Variants in SOX6 observed in about 807,000 individuals in gnomAD.
SOX6 encodes the protein transcription factor SOX-6.
Under a neutral mutation model 97.8 loss-of-function variants are expected in SOX6, and 11 were observed. The observed-to-expected ratio is 0.11, with a 90% CI of 0.07 to 0.19. The LOEUF is 0.19. SOX6 is among the 10% of genes least tolerant of loss of function. The pLI is 1.00. For synonymous variants in SOX6, 360 were observed against 371.4 expected, an observed-to-expected ratio of 0.97 and a Z score of 0.35; for missense variants, 810 against 1,039.5, an observed-to-expected ratio of 0.78 and a Z score of 3.04.
At chr11:16,181,919 A>G (rs1851357910) in intron 6 of SOX6, among the ~76,000 whole-genome samples, 1 of 151,852 alleles carries the variant, frequency 6.6e-6, no homozygotes, top group Non-Finnish European at 1.5e-5. Flanking sequence ...AAATTAAACA[A>G]CAAGAAATAT....
intron 7 of SOX6, among the ~76,000 whole-genome samples, chr11:16,099,014 A>G (rs923576019): frequency 6.6e-6 from 1 of 151,808 alleles, no homozygotes; most frequent in African/African-American, 2.4e-5. Context: ...CTTCTAATCT[A>G]CACAGTCTCT....
At chr11:16,271,837 C>T (rs1854270160) in intron 3 of SOX6, among the ~76,000 whole-genome samples, 1 of 151,004 alleles carries the variant, frequency 6.6e-6, no homozygotes, top group South Asian at 2.1e-4. Flanking sequence ...AAAATTATCA[C>T]ATTAATTTCT....
intron 1 of SOX6, among the ~76,000 whole-genome samples, chr11:16,462,389 C>T (rs1278183194): frequency 3.3e-5 from 5 of 152,202 alleles, no homozygotes; most frequent in Non-Finnish European, 7.4e-5. Context: ...TTTAAGTTGT[C>T]AAGATTTAAA....
intron 6 of SOX6, among the ~76,000 whole-genome samples, chr11:16,183,179 A>G (rs1053093481): frequency 6.6e-6 from 1 of 151,924 alleles, no homozygotes; most frequent in East Asian, 1.9e-4. Context: ...TGCCTATCTC[A>G]AATAGCTGTT....
chr11:16,517,632 C>CTA (rs1860993954), intron 4 of SOX6, among the ~76,000 whole-genome samples: 1 of 152,116 alleles, frequency 6.6e-6, no homozygotes, highest in Non-Finnish European at 1.5e-5. Context: ...CATTTAACAT[C>CTA]TATATATATT....
At position 16,300,861 on chromosome 11, in the gene SOX6, C is replaced by G. The variant is rs760493308; in HGVS notation, c.445+17585G>C. 2.0e-5 allele frequency among the ~76,000 whole-genome samples: 3 copies of G among 152,202 alleles called. No individual in the cohort carries two copies. Among genetic ancestry groups the G allele is most frequent in the Non-Finnish European group, 4.4e-5 (3 of 68,032 alleles). ...TGTTTTTCACATTATTTTGGCTCAT[C>G]ATCCAATAATATTTATTAAGCACCA... On this transcript the variant is annotated intron_variant, in intron 3 of 15. Coordinates refer to ENST00000683767, the MANE Select transcript of SOX6 (RefSeq NM_001367873.1). This position sits in a 1 kb window ranked among gnomAD's most constrained non-coding sequence, Gnocchi z 4.1.
intron 4 of SOX6, among the ~76,000 whole-genome samples, chr11:16,596,481 T>G (rs1848214310): frequency 6.6e-6 from 1 of 152,198 alleles, no homozygotes; most frequent in South Asian, 2.1e-4. Flanking sequence ...CTAGTTATAC[T>G]GTCAAATGTT....
chr11:16,286,602 T>C (rs1854750910), intron 3 of SOX6, among the ~76,000 whole-genome samples: 1 of 152,154 alleles, frequency 6.6e-6, no homozygotes, highest in South Asian at 2.1e-4. Context: ...CATGAATTTT[T>C]ATGTGTAGTG....
rs1848415290 is a variant in SOX6, at chr11:16,612,813, C to A, written n.430-553G>T. Among the ~76,000 whole-genome samples, 3 of 152,214 alleles carry A rather than the reference C, an allele frequency of 2.0e-5. No homozygotes were observed. In the South Asian group the frequency reaches 6.2e-4, roughly 32 times the overall value. On this transcript the variant is annotated intron_variant and non_coding_transcript_variant, in intron 3 of 5. Coordinates refer to the SOX6 transcript ENST00000524520. Reference sequence around the variant, plus strand: ...CACTCTCACCGACACTGCAGCTCTGCACAAGGGCAGCTGGAATCTGGGAAC... The same window carrying A: ...CACTCTCACCGACACTGCAGCTCTGAACAAGGGCAGCTGGAATCTGGGAAC...
intron 11 of SOX6, among the ~76,000 whole-genome samples, chr11:16,046,976 T>C (rs1855853420): frequency 6.6e-6 from 1 of 152,078 alleles, no homozygotes; most frequent in African/African-American, 2.4e-5. Flanking sequence ...TAGACTCCAA[T>C]TGTATACATA....
intron 2 of SOX6, among the ~76,000 whole-genome samples, chr11:16,333,721 A>G (rs1384028395): frequency 3.3e-5 from 5 of 152,176 alleles, no homozygotes; most frequent in Non-Finnish European, 7.4e-5. Context: ...ATTATACTAG[A>G]TTTTTTATTA....
chr11:16,086,068 A>C (rs1192520559), intron 9 of SOX6, among the ~76,000 whole-genome samples: 2 of 152,184 alleles, frequency 1.3e-5, no homozygotes, highest in African/African-American at 2.4e-5. Flanking sequence ...TAGATGCTGA[A>C]TCTTCTATGG....
intron 1 of SOX6, among the ~76,000 whole-genome samples, chr11:16,460,861 G>T (rs931006644): frequency 1.3e-5 from 2 of 152,006 alleles, no homozygotes; most frequent in African/African-American, 2.4e-5. Flanking sequence ...CATACTCATG[G>T]TAGCTAAGTT....
At chr11:16,612,588 G>A (rs1848411187) in intron 3 of SOX6, among the ~76,000 whole-genome samples, 2 of 151,218 alleles carry the variant, frequency 1.3e-5, no homozygotes. Context: ...GGGGGGGCGG[G>A]GTTGGGAGTG....
intron 3 of SOX6, among the ~76,000 whole-genome samples, chr11:16,643,327 G>C (rs1350378656): frequency 1.3e-5 from 2 of 152,190 alleles, no homozygotes; most frequent in Non-Finnish European, 2.9e-5. Flanking sequence ...TGCCCCTACT[G>C]GGGGGTGCCT....
At chr11:16,064,524 A>C (rs1848044064) in intron 9 of SOX6, among the ~76,000 whole-genome samples, 1 of 136,554 alleles carries the variant, frequency 7.3e-6, no homozygotes, top group East Asian at 1.9e-4. Context: ...CCATACATAT[A>C]TATATATATA....
chr11:16,266,764 A>G (rs1430610938), intron 3 of SOX6, among the ~76,000 whole-genome samples: 1 of 151,618 alleles, frequency 6.6e-6, no homozygotes, highest in East Asian at 1.9e-4. Context: ...GCAATCACCA[A>G]AATAATGCAA....
intron 15 of SOX6, among the ~76,000 whole-genome samples, chr11:15,975,276 A>G (rs1486312623): frequency 2.0e-5 from 3 of 152,226 alleles, no homozygotes; most frequent in Admixed American, 2.0e-4. Flanking sequence ...TTTTGGGCAA[A>G]TTAACACAAA....
intron 13 of SOX6, among the ~76,000 whole-genome samples, chr11:15,995,440 A>C (rs1854194575): frequency 1.3e-5 from 2 of 152,180 alleles, no homozygotes; most frequent in Admixed American, 1.3e-4. Flanking sequence ...CAAAGTTAAA[A>C]ATTTTCAGAG....
Sources: allele counts gnomAD v4.1 joint callset (sites outside exome capture counted in the v4.1 genomes callset), GRCh38; gene constraint gnomAD v4.1.1; non-coding constraint Gnocchi (gnomAD v3.1); transcripts MANE v1.5; gene names NCBI Gene and HGNC (gene_info 2026-07-23, HGNC 2026-07-21).